The following DLGAP2 variants were observed in gnomAD, a reference collection of about 807,000 sequenced individuals.
The protein encoded by DLGAP2 is disks large-associated protein 2.
DLGAP2 carries 26 observed loss-of-function variants against 100.3 expected under a neutral mutation model. The ratio of observed to expected loss-of-function variants is 0.26; its 90% CI spans 0.19 to 0.36. The LOEUF is 0.36. DLGAP2 is among the 10% of genes least tolerant of loss of function. The pLI is 1.00. For missense variants in DLGAP2, 1,858 were observed against 1,453.2 expected, an observed-to-expected ratio of 1.28 and a Z score of -4.53; for synonymous variants, 886 against 630.1, an observed-to-expected ratio of 1.41 and a Z score of -6.08.
chr8:1,385,687 A>T (rs571526788), intron 3 of DLGAP2, among the ~76,000 whole-genome samples: 1 of 116,260 alleles, frequency 8.6e-6, no homozygotes, highest in Admixed American at 8.2e-5. Flanking sequence ...GTCCCCTGAG[A>T]ACTTGGTGCA....
intron 2 of DLGAP2, among the ~76,000 whole-genome samples, chr8:916,696 C>G (rs1011609371): frequency 6.6e-6 from 1 of 152,158 alleles, no homozygotes; most frequent in Non-Finnish European, 1.5e-5. Flanking sequence ...AAAAGAAACT[C>G]AATCCAGGCT....
chr8:1,015,130 A>G (rs561297904), intron 2 of DLGAP2, among the ~76,000 whole-genome samples: 30 of 9,544 alleles, frequency 3.1e-3, no homozygotes, highest in African/African-American at 8.9e-3. Context: ...AGGACAGACG[A>G]TGCCTCCACT....
intron 3 of DLGAP2, among the ~76,000 whole-genome samples, chr8:1,408,111 A>G (rs912446045): frequency 2.0e-5 from 3 of 152,244 alleles, no homozygotes; most frequent in Non-Finnish European, 4.4e-5. Flanking sequence ...GCTGGTCTTC[A>G]CTGAGATCAA....
intron 3 of DLGAP2, among the ~76,000 whole-genome samples, chr8:1,309,404 C>T (rs1454335570): frequency 6.6e-6 from 1 of 152,058 alleles, no homozygotes; most frequent in East Asian, 1.9e-4. Flanking sequence ...CCAGAAAAAG[C>T]TTATCTCTTG....
chr8:1,541,350 A>G (rs895549185), intron 4 of DLGAP2, among the ~76,000 whole-genome samples: 2 of 152,208 alleles, frequency 1.3e-5, no homozygotes, highest in African/African-American at 2.4e-5. Context: ...TGGAGACACA[A>G]TATCAAACAT....
intron 2 of DLGAP2, among the ~76,000 whole-genome samples, chr8:1,006,141 A>G (rs1048002120): frequency 6.6e-6 from 1 of 152,128 alleles, no homozygotes; most frequent in Non-Finnish European, 1.5e-5. Flanking sequence ...GTGAGCCGAG[A>G]TCGCACCACT....
At chr8:1,129,684 G>C (rs760382991) in intron 2 of DLGAP2, among the ~76,000 whole-genome samples, 2 of 152,206 alleles carry the variant, frequency 1.3e-5, no homozygotes, top group Non-Finnish European at 2.9e-5. Context: ...TGTGGATACA[G>C]TTCGAGTTGG....
At chr8:1,429,479 G>A (rs1797345916) in intron 3 of DLGAP2, among the ~76,000 whole-genome samples, 1 of 152,156 alleles carries the variant, frequency 6.6e-6, no homozygotes, top group South Asian at 2.1e-4. Flanking sequence ...GGAGACATAA[G>A]AGATACAAAA....
intron 3 of DLGAP2, among the ~76,000 whole-genome samples, chr8:1,290,704 A>G (rs2116969413): frequency 1.3e-5 from 2 of 152,308 alleles, no homozygotes; most frequent in East Asian, 1.9e-4. Flanking sequence ...GATTTTTTAG[A>G]CTATGTATAC....
intron 8 of DLGAP2, among the ~76,000 whole-genome samples, chr8:1,667,168 A>C (rs1318825325): frequency 6.6e-6 from 1 of 152,226 alleles, no homozygotes; most frequent in East Asian, 1.9e-4. Context: ...CTAAAGGAAA[A>C]TAATTGACTG....
chr8:1,655,493 C>G (rs1798263057), intron 8 of DLGAP2, among the ~76,000 whole-genome samples: 1 of 152,182 alleles, frequency 6.6e-6, no homozygotes, highest in Admixed American at 6.6e-5. Flanking sequence ...GTATTTGTGC[C>G]TTATACGATG....
intron 2 of DLGAP2, among the ~76,000 whole-genome samples, chr8:965,742 A>C (rs1353688058): frequency 1.7e-5 from 2 of 117,408 alleles, no homozygotes; most frequent in East Asian, 2.8e-4. Context: ...TGTTCACCTC[A>C]CACGGCTCCT....
intron 2 of DLGAP2, among the ~76,000 whole-genome samples, chr8:940,111 G>C (rs1313451298): frequency 6.6e-6 from 1 of 152,112 alleles, no homozygotes; most frequent in Non-Finnish European, 1.5e-5. Flanking sequence ...GCTGTGGAAA[G>C]ACAGTGGGGC....
At chr8:976,525 T>A (rs1316385396) in intron 2 of DLGAP2, among the ~76,000 whole-genome samples, 2 of 152,148 alleles carry the variant, frequency 1.3e-5, no homozygotes, top group Non-Finnish European at 1.5e-5. Flanking sequence ...GGCAGGCGAA[T>A]GGCGTGAACC....
chr8:1,356,123 G>A (rs1444961534), intron 3 of DLGAP2, among the ~76,000 whole-genome samples: 1 of 152,162 alleles, frequency 6.6e-6, no homozygotes, highest in African/African-American at 2.4e-5. Flanking sequence ...GGGAGTTGAC[G>A]GACGGTTCGT....
intron 3 of DLGAP2, among the ~76,000 whole-genome samples, chr8:1,344,176 G>GTCCTGGGTCCGTGTACTCAGGGCC (rs1801499360): frequency 3.2e-5 from 1 of 31,386 alleles, no homozygotes; most frequent in African/African-American, 1.2e-4. Flanking sequence ...TACTCGGGGC[G>GTCCTGGGTCCGTGTACTCAGGGCC]CTGTCGTGGG....
intron 2 of DLGAP2, among the ~76,000 whole-genome samples, chr8:1,185,725 A>T (rs1006132270): frequency 1.1e-3 from 49 of 44,180 alleles, no homozygotes; most frequent in Admixed American, 2.4e-3. Flanking sequence ...ACACACACAC[A>T]CTCACACTCA....
chr8:1,360,052 C>G, intron 3 of DLGAP2, among the ~76,000 whole-genome samples: 1 of 152,180 alleles, frequency 6.6e-6, no homozygotes, highest in Middle Eastern at 3.2e-3. Flanking sequence ...CACTTTCCGC[C>G]TCTTCATCCC....
chr8:866,049 G>C (rs1797488064), intron 1 of DLGAP2, among the ~76,000 whole-genome samples: 2 of 152,198 alleles, frequency 1.3e-5, no homozygotes, highest in African/African-American at 2.4e-5. Context: ...AAGAAACTGT[G>C]TTCTTGGGAC....
Sources: gnomAD v4.1 joint callset for allele counts (sites outside exome capture counted in the v4.1 genomes callset) on GRCh38, gnomAD v4.1.1 for gene constraint, MANE v1.5 for transcripts, NCBI Gene and HGNC (gene_info 2026-07-23, HGNC 2026-07-21) for gene names.